Variants in TMEM117 observed in about 807,000 individuals in gnomAD.
TMEM117 encodes transmembrane protein 117.
Under a neutral mutation model 52.4 loss-of-function variants are expected in TMEM117, and 27 were observed. That is an observed-to-expected ratio of 0.51 (90% CI 0.38 to 0.71). TMEM117 has a LOEUF of 0.71. Ranked by LOEUF, TMEM117 falls within the 30% of genes least tolerant of loss-of-function variation. The pLI is 0.00. For synonymous variants in TMEM117, 215 were observed against 206.3 expected, an observed-to-expected ratio of 1.04 and a Z score of -0.36; for missense variants, 556 against 630.5, an observed-to-expected ratio of 0.88 and a Z score of 1.26.
intron 6 of TMEM117, among the ~76,000 whole-genome samples, chr12:44,361,203 G>A (rs1447020379): frequency 6.6e-6 from 1 of 152,052 alleles, no homozygotes; most frequent in African/African-American, 2.4e-5. Context: ...GCTATAATTT[G>A]TTTTCAAATT....
Position 44,036,870 on chromosome 12 carries a change from A to G in TMEM117, c.410+92528A>G, listed in dbSNP as rs547361404. ...CTGTTCTTATTATGTAACAGACTAT[A>G]ATTTTTACCCATTTATGTAATATGT... On this transcript the variant is annotated intron_variant, in intron 3 of 7. Coordinates refer to ENST00000266534, the MANE Select transcript of TMEM117 (RefSeq NM_032256.3). 2.0e-5 allele frequency among the ~76,000 whole-genome samples: 3 copies of G among 152,326 alleles called. No homozygotes were observed. In the East Asian group the frequency reaches 5.8e-4, roughly 29 times the overall value.
the TMEM117 span, among the ~76,000 whole-genome samples, chr12:43,822,258 T>A: frequency 6.6e-6 from 1 of 152,242 alleles, no homozygotes; most frequent in African/African-American, 2.4e-5. Flanking sequence ...AACATCCACA[T>A]TAAAACAAGA....
At chr12:44,338,149 A>C (rs1951367043) in intron 6 of TMEM117, among the ~76,000 whole-genome samples, 1 of 152,118 alleles carries the variant, frequency 6.6e-6, no homozygotes, top group South Asian at 2.1e-4. Context: ...CTGATGAATT[A>C]TTTGAGAAGT....
chr12:44,044,395 A>G (rs1250837974), intron 3 of TMEM117, among the ~76,000 whole-genome samples: 7 of 152,228 alleles, frequency 4.6e-5, no homozygotes, highest in Admixed American at 4.6e-4. Context: ...ACGTTTGACC[A>G]TGGATCATCA....
intron 3 of TMEM117, among the ~76,000 whole-genome samples, chr12:44,087,295 T>C (rs1196791711): frequency 6.6e-6 from 1 of 152,074 alleles, no homozygotes; most frequent in African/African-American, 2.4e-5. Flanking sequence ...TACTTCAAGG[T>C]ATTTTGAGTC....
intron 4 of TMEM117, among the ~76,000 whole-genome samples, chr12:44,187,008 T>C (rs1046774508): frequency 1.1e-4 from 17 of 152,152 alleles, no homozygotes; most frequent in Admixed American, 6.6e-5. Context: ...CCTGGGAGTA[T>C]GTATAAAATA....
intron 3 of TMEM117, among the ~76,000 whole-genome samples, chr12:44,039,357 C>G (rs1325067665): frequency 1.3e-5 from 2 of 149,930 alleles, no homozygotes; most frequent in African/African-American, 2.4e-5. Context: ...TAAATTAATA[C>G]TATATATTAT....
chr12:44,329,088 T>C lies in TMEM117; in HGVS notation c.768+29349T>C, dbSNP rs558257795. Among the ~76,000 whole-genome samples, 7 of 152,144 alleles carry C rather than the reference T, an allele frequency of 4.6e-5. No homozygotes were observed. The South Asian group carries it at 1.2e-3, about 27-fold the overall frequency. On this transcript the variant is annotated intron_variant, in intron 6 of 7. Coordinates refer to ENST00000266534, the MANE Select transcript of TMEM117 (RefSeq NM_032256.3). ...CACCTTCCATCTTATTGCAGATTCC[T>C]ATAAAACATCTCTCAGGGTTTCACT...
intron 6 of TMEM117, among the ~76,000 whole-genome samples, chr12:44,334,821 C>G (rs1159432608): frequency 6.6e-6 from 1 of 151,902 alleles, no homozygotes; most frequent in Non-Finnish European, 1.5e-5. Context: ...GTATCTGATT[C>G]ATGATCTAAG....
intron 6 of TMEM117, among the ~76,000 whole-genome samples, chr12:44,340,980 A>G (rs1001109179): frequency 6.6e-6 from 1 of 151,988 alleles, no homozygotes; most frequent in African/African-American, 2.4e-5. Context: ...TTCATTGTCT[A>G]TCATTCCATT....
intron 7 of TMEM117, among the ~76,000 whole-genome samples, chr12:44,384,232 G>T (rs1193349430): frequency 1.3e-5 from 2 of 152,070 alleles, no homozygotes; most frequent in Admixed American, 6.6e-5. Context: ...TGAACTAGAG[G>T]TCATGTCAGA....
At chr12:44,103,847 A>G (rs935553970) in intron 3 of TMEM117, among the ~76,000 whole-genome samples, 7 of 152,060 alleles carry the variant, frequency 4.6e-5, no homozygotes, top group Non-Finnish European at 1.5e-5. Context: ...AGTCTTCACT[A>G]GATTTCCCCC....
chr12:44,128,957 T>C (rs1209754375), intron 3 of TMEM117, among the ~76,000 whole-genome samples: 1 of 152,212 alleles, frequency 6.6e-6, no homozygotes, highest in East Asian at 1.9e-4. Flanking sequence ...CCCAGTCCTA[T>C]GTAGGGTCAC....
intron 6 of TMEM117, among the ~76,000 whole-genome samples, chr12:44,372,605 A>C (rs1019461640): frequency 9.9e-5 from 15 of 152,082 alleles, no homozygotes; most frequent in Non-Finnish European, 1.8e-4. Context: ...TGAAAAAAAA[A>C]AAAACAAAAG....
At chr12:44,306,308 A>G (rs997833395) in intron 6 of TMEM117, among the ~76,000 whole-genome samples, 17 of 152,190 alleles carry the variant, frequency 1.1e-4, no homozygotes, top group African/African-American at 3.1e-4. Context: ...AAGAAAAAGA[A>G]AAAAATGGAA....
chr12:43,813,231 G>GCTTTTTTTTTTTTTTTTTTTT, the TMEM117 span, among the ~76,000 whole-genome samples: 40 of 62,666 alleles, frequency 6.4e-4, 1 homozygote, highest in African/African-American at 2.3e-3. Context: ...GTTTTCTCTT[G>GCTTTTTTTTTTTTTTTTTTTT]TTTTTTTTTT....
intron 5 of TMEM117, among the ~76,000 whole-genome samples, chr12:44,212,279 T>C (rs1949656373): frequency 6.6e-6 from 1 of 152,208 alleles, no homozygotes; most frequent in Non-Finnish European, 1.5e-5. Flanking sequence ...GTCTAGCGTC[T>C]ATCCATGCTG....
At chr12:44,237,892 C>T (rs1156581000) in intron 5 of TMEM117, among the ~76,000 whole-genome samples, 4 of 152,084 alleles carry the variant, frequency 2.6e-5, no homozygotes, top group Admixed American at 1.3e-4. Context: ...TAAGTTAATG[C>T]ATTTGCATTA....
At chr12:43,803,867 T>C in the TMEM117 span, among the ~76,000 whole-genome samples, 4 of 152,138 alleles carry the variant, frequency 2.6e-5, no homozygotes, top group Admixed American at 6.5e-5. Flanking sequence ...ATTAGGCCAC[T>C]GGAATATTTT....
Sources: gnomAD v4.1 joint callset for allele counts (sites outside exome capture counted in the v4.1 genomes callset) on GRCh38, gnomAD v4.1.1 for gene constraint, MANE v1.5 for transcripts, NCBI Gene and HGNC (gene_info 2026-07-23, HGNC 2026-07-21) for gene names.